The following SCIN variants were observed in gnomAD, a reference collection of about 807,000 sequenced individuals.
SCIN encodes scinderin.
SCIN carries 91 observed loss-of-function variants against 91.8 expected under a neutral mutation model. That is an observed-to-expected ratio of 0.99 (90% CI 0.84 to 1.18). The LOEUF (loss-of-function observed/expected upper bound fraction) is 1.18. SCIN is among the 50% of genes most tolerant of loss of function. SCIN has a pLI of 0.00. For synonymous variants in SCIN, 367 were observed against 312.6 expected (o/e 1.17, Z -1.84); for missense variants, 1,087 against 863.9 (o/e 1.26, Z -3.24).
At chr7:12,638,831 A>T (rs1451182463) in intron 10 of SCIN, among the ~76,000 whole-genome samples, 2 of 152,204 alleles carry the variant, frequency 1.3e-5, no homozygotes, top group Non-Finnish European at 2.9e-5. Flanking sequence ...TAATGAAATG[A>T]CTGAATTCTT....
At chr7:12,583,621 T>G (rs1782530868) in intron 3 of SCIN, among the ~76,000 whole-genome samples, 1 of 152,202 alleles carries the variant, frequency 6.6e-6, no homozygotes, top group South Asian at 2.1e-4. Context: ...GAGATTCCAC[T>G]GAAAGCAGTA....
intron 3 of SCIN, among the ~76,000 whole-genome samples, chr7:12,601,430 A>AT (rs1562607749): frequency 6.6e-6 from 1 of 152,200 alleles, no homozygotes; most frequent in East Asian, 1.9e-4. Context: ...ACACTATCAA[A>AT]TACCCAGAAA....
intron 11 of SCIN, among the ~76,000 whole-genome samples, chr7:12,640,731 T>C (rs1783841941): frequency 6.6e-6 from 1 of 152,196 alleles, no homozygotes; most frequent in African/African-American, 2.4e-5. Flanking sequence ...TTCAATTACA[T>C]TGAACCCAAA....
intron 10 of SCIN, among the ~76,000 whole-genome samples, chr7:12,639,089 T>C (rs1783807961): frequency 1.3e-5 from 2 of 152,244 alleles, no homozygotes; most frequent in Non-Finnish European, 2.9e-5. Context: ...AACTAAAGTA[T>C]TGCGGTTTTC....
rs61747154 is a variant in SCIN at position 12,578,190 on chromosome 7, G to A, written c.326G>A (p.Ser109Asn). 848 of 1,547,832 alleles carry A rather than the reference G, an allele frequency of 5.5e-4. 7 individuals are homozygous for A. In the African/African-American group the frequency reaches 0.01, roughly 19 times the overall value. The change falls in exon 2 of 16, where the codon AGC (serine) becomes AAC (asparagine). Residue 109 changes from serine (S) to asparagine (N), a missense_variant. Coordinates refer to ENST00000297029, the MANE Select transcript of SCIN (RefSeq NM_001112706.3). Reference sequence around the variant, plus strand: ...GGATATGAGTCTAATGACTTTGTTAGCTATTTCAAAGGCGGTCTGAAATAC... The same window carrying A: ...GGATATGAGTCTAATGACTTTGTTAACTATTTCAAAGGCGGTCTGAAATAC... The part of the protein sequence containing the change: ...LQGYESNDFV[S>N]YFKGGLKYKA...
At chr7:12,631,497 G>C (rs976439871) in intron 9 of SCIN, among the ~76,000 whole-genome samples, 2 of 152,078 alleles carry the variant, frequency 1.3e-5, no homozygotes, top group Non-Finnish European at 2.9e-5. Context: ...TTGGGAGATG[G>C]GGCATTTAAG....
intron 8 of SCIN, among the ~76,000 whole-genome samples, chr7:12,628,648 A>AT (rs1039148539): frequency 5.9e-5 from 9 of 152,262 alleles, no homozygotes; most frequent in Non-Finnish European, 8.8e-5. Context: ...CATTTTTAGT[A>AT]TTTGGTCACA....
chr7:12,640,261 G>C (rs1263008533), intron 10 of SCIN, 86 bp from the exon 11 acceptor site: 6 of 1,176,796 alleles, frequency 5.1e-6, no homozygotes, highest in Non-Finnish European at 6.8e-6. Flanking sequence ...TTTTCAAAAA[G>C]ACAACATAAG....
intron 5 of SCIN, among the ~76,000 whole-genome samples, chr7:12,623,728 A>G (rs1281216906): frequency 1.3e-5 from 2 of 152,158 alleles, no homozygotes; most frequent in African/African-American, 2.4e-5. Context: ...CTGCTCTTTA[A>G]GGGATTTTTG....
rs2115274345 is a variant in SCIN at position 12,625,806 on chromosome 7, G to T, written c.937G>T (p.Ala313Ser). 1 of 1,612,712 alleles carries T rather than the reference G, an allele frequency of 6.2e-7. No individual in the cohort carries two copies. Among genetic ancestry groups the T allele is most frequent in the Middle Eastern group, 1.7e-4 (1 of 6,052 alleles). The change falls in exon 7 of 16, where the codon GCT becomes TCT. Residue 313 changes from alanine to serine, a missense_variant. Transcript: ENST00000297029. The part of the protein sequence containing the change: ...PQERKAAMKT[A>S]EEFLQQMNYS... ...AGAGAGGAAGGCTGCAATGAAGACA[G>T]CTGAAGAATTTCTACAGCAAATGAA...
intron 14 of SCIN, among the ~76,000 whole-genome samples, chr7:12,650,939 T>A (rs551381439): frequency 6.6e-6 from 1 of 152,114 alleles, no homozygotes; most frequent in Non-Finnish European, 1.5e-5. Flanking sequence ...GATCCACCTC[T>A]AGGAAATGGG....
intron 9 of SCIN, among the ~76,000 whole-genome samples, chr7:12,631,768 G>T (rs1783647536): frequency 6.6e-6 from 1 of 152,118 alleles, no homozygotes. Context: ...AAATTACCCT[G>T]TTTCAGGTAT....
At chr7:12,617,325 T>G (rs1441057500) in intron 4 of SCIN, among the ~76,000 whole-genome samples, 2 of 152,062 alleles carry the variant, frequency 1.3e-5, no homozygotes, top group African/African-American at 4.8e-5. Flanking sequence ...GAAATTAGAT[T>G]ACAGAGACTC....
chr7:12,574,720 A>G (rs1782334937), intron 1 of SCIN, among the ~76,000 whole-genome samples: 1 of 152,116 alleles, frequency 6.6e-6, no homozygotes, highest in South Asian at 2.1e-4. Context: ...CAATAGTACC[A>G]ATCTGTTTTA....
At chr7:12,574,103 CA>C (rs971964531) in intron 1 of SCIN, among the ~76,000 whole-genome samples, 1 of 152,042 alleles carries the variant, frequency 6.6e-6, no homozygotes, top group Non-Finnish European at 1.5e-5. Flanking sequence ...CCTGAATGTC[CA>C]CAGCAGTTTT....
At chr7:12,598,150 T>A (rs149559456) in intron 3 of SCIN, among the ~76,000 whole-genome samples, 3 of 152,246 alleles carry the variant, frequency 2.0e-5, no homozygotes, top group Non-Finnish European at 1.5e-5. Flanking sequence ...GCATTATACA[T>A]AAAATAACTT....
chr7:12,600,754 G>T (rs1042275439), intron 3 of SCIN, among the ~76,000 whole-genome samples: 13 of 152,122 alleles, frequency 8.5e-5, no homozygotes, highest in Non-Finnish European at 1.9e-4. Flanking sequence ...AATCACCTGA[G>T]GAGCTTTTAA....
chr7:12,578,031 T>C, intron 1 of SCIN, 33 bp from the exon 2 acceptor site: 1 of 1,496,648 alleles, frequency 6.7e-7, no homozygotes, highest in Non-Finnish European at 8.9e-7. Flanking sequence ...TTCTCTTGCT[T>C]GATAATTGAG....
intron 9 of SCIN, among the ~76,000 whole-genome samples, chr7:12,630,191 G>A (rs912604828): frequency 2.6e-5 from 4 of 151,664 alleles, no homozygotes; most frequent in Non-Finnish European, 5.9e-5. Flanking sequence ...ACTGCCCAGT[G>A]CCTTGAGCCC....
Sources: gnomAD v4.1 joint callset for allele counts (sites outside exome capture counted in the v4.1 genomes callset) on GRCh38, gnomAD v4.1.1 for gene constraint, MANE v1.5 for transcripts, NCBI Gene and HGNC (gene_info 2026-07-23, HGNC 2026-07-21) for gene names.